Variants in OTUD7B observed in about 807,000 individuals in gnomAD.
OTUD7B encodes the protein OTU domain-containing protein 7B.
OTUD7B carries 34 observed loss-of-function variants against 82.2 expected under a neutral mutation model. The observed-to-expected ratio is 0.41, with a 90% CI of 0.31 to 0.55. The LOEUF is 0.55. OTUD7B is among the 20% of genes least tolerant of loss of function. The probability of loss-of-function intolerance (pLI) is 0.20; values close to 1 mark genes in which losing one functional copy is unlikely to be tolerated. For synonymous variants in OTUD7B, 398 were observed against 402.7 expected, an observed-to-expected ratio of 0.99 and a Z score of 0.14; for missense variants, 944 against 1,062.1, an observed-to-expected ratio of 0.89 and a Z score of 1.55.
At chr1:150,057,944 AAAGC>A in the OTUD7B span, among the ~76,000 whole-genome samples, 1 of 152,240 alleles carries the variant, frequency 6.6e-6, no homozygotes, top group Admixed American at 6.5e-5. Flanking sequence ...AACCAAGCCT[AAAGC>A]AGAAAAGTAT....
chr1:149,994,364 C>G (rs782812958), intron 1 of OTUD7B, among the ~76,000 whole-genome samples: 1 of 151,920 alleles, frequency 6.6e-6, no homozygotes, highest in Non-Finnish European at 1.5e-5. Context: ...GGGCGGATCA[C>G]GAGGTCAAGA....
chr1:149,964,190 G>A (rs1553776019), intron 6 of OTUD7B, 32 bp downstream of exon 6: 1 of 1,605,510 alleles, frequency 6.2e-7, no homozygotes, highest in Non-Finnish European at 8.5e-7. Context: ...GTAACTTTAG[G>A]AAACAAGGCG....
At chr1:150,013,973 C>CAT (rs1260260377), upstream of OTUD7B, among the ~76,000 whole-genome samples, 68 of 128,304 alleles carry the variant, frequency 5.3e-4, no homozygotes, top group African/African-American at 1.6e-3. Context: ...CACACACACA[C>CAT]ATATATATAC....
chr1:149,985,502 C>A (rs1482533464), intron 1 of OTUD7B, among the ~76,000 whole-genome samples: 3 of 152,178 alleles, frequency 2.0e-5, no homozygotes, highest in Admixed American at 1.3e-4. Flanking sequence ...CTTTGGGAGA[C>A]CACGGAGGAA....
chr1:150,009,422 T>C (rs782358366), intron 1 of OTUD7B, among the ~76,000 whole-genome samples: 27 of 152,274 alleles, frequency 1.8e-4, no homozygotes, highest in Admixed American at 5.9e-4. Context: ...CTCCTAAATA[T>C]ACAGTACTAG....
At chr1:150,053,538 A>G in the OTUD7B span, among the ~76,000 whole-genome samples, 1 of 151,992 alleles carries the variant, frequency 6.6e-6, no homozygotes, top group Non-Finnish European at 1.5e-5. Context: ...CCGAGATTAC[A>G]GGCATGTGCC....
the OTUD7B span, among the ~76,000 whole-genome samples, chr1:150,027,864 T>C: frequency 1.3e-5 from 2 of 152,158 alleles, no homozygotes; most frequent in South Asian, 2.1e-4. Flanking sequence ...AACTGACTAA[T>C]TTGGTGAGTT....
At position 149,965,784 on chromosome 1, in the gene OTUD7B, G is replaced by T. The variant is rs782417962; in HGVS notation, c.597C>A (p.Ala199=). ...ACTGCTTTCAAGACTCACCAAGGGAGGCTGCATGCAGGAGGCAGTTCCCAT... is the reference window on the plus strand; with the variant it reads ...ACTGCTTTCAAGACTCACCAAGGGATGCTGCATGCAGGAGGCAGTTCCCAT... ...TGDGNCLLHA[A]SLGMWGFHDR... The change falls in exon 5 of 12, where the codon GCC becomes GCA. Residue 199 remains alanine, a synonymous_variant. Coordinates refer to ENST00000581312, the MANE Select transcript of OTUD7B (RefSeq NM_020205.4). The T allele has an allele frequency of 1.5e-5, 24 of 1,612,124 alleles. No homozygotes were observed. In the Admixed American group the frequency reaches 3.5e-4, roughly 24 times the overall value.
chr1:150,049,164 C>G, the OTUD7B span, among the ~76,000 whole-genome samples: 2 of 152,172 alleles, frequency 1.3e-5, no homozygotes, highest in African/African-American at 4.8e-5. Context: ...AAACTTAAAT[C>G]AGTTCTGAAG....
chr1:150,062,661 T>C, the OTUD7B span, among the ~76,000 whole-genome samples: 2 of 151,610 alleles, frequency 1.3e-5, no homozygotes, highest in African/African-American at 2.4e-5. Flanking sequence ...GATTAAAAAG[T>C]GAAGGGGGAA....
chr1:149,943,738 G>T lies in OTUD7B; in HGVS notation c.*119C>A. On this transcript the variant is annotated 3_prime_UTR_variant, in exon 12 of 12. Transcript: ENST00000581312. ...GTGTGCACACACTTAAAAGTTTCCA[G>T]CCAGGCTCCCACAAACATTACTGCA... 2 of 1,147,718 alleles carry T rather than the reference G, an allele frequency of 1.7e-6. No homozygotes were observed. Among genetic ancestry groups the T allele is most frequent in the Non-Finnish European group, 2.5e-6 (2 of 788,294 alleles). 71.1% of individuals were successfully genotyped at this position (1,147,718 alleles called of 1,614,324 possible). A position where few individuals can be genotyped will look rare whatever the true frequency, so the allele number is the denominator to read the frequency against.
intron 7 of OTUD7B, among the ~76,000 whole-genome samples, chr1:149,953,989 C>A (rs1648469618): frequency 6.6e-6 from 1 of 152,174 alleles, no homozygotes; most frequent in Non-Finnish European, 1.5e-5. Context: ...ATGTCACCTG[C>A]AAACAGGGAC....
At chr1:149,985,394 G>A (rs1291624891) in intron 1 of OTUD7B, among the ~76,000 whole-genome samples, 4 of 151,946 alleles carry the variant, frequency 2.6e-5, no homozygotes, top group African/African-American at 7.3e-5. Flanking sequence ...GCGACAGAGC[G>A]AGACCCCATC....
At chr1:150,038,584 G>A in the OTUD7B span, among the ~76,000 whole-genome samples, 16,127 of 151,382 alleles carry the variant, frequency 0.11, 1,205 homozygotes, top group Non-Finnish European at 0.17. Context: ...ACGGGATTTC[G>A]TCATGTTGCC....
At chr1:150,005,468 A>T (rs1007221153) in intron 1 of OTUD7B, among the ~76,000 whole-genome samples, 1 of 152,210 alleles carries the variant, frequency 6.6e-6, no homozygotes, top group Non-Finnish European at 1.5e-5. Context: ...CTAGCTCAGA[A>T]ATACTACAAT....
chr1:150,051,178 G>A, the OTUD7B span, among the ~76,000 whole-genome samples: 3 of 143,068 alleles, frequency 2.1e-5, no homozygotes, highest in Non-Finnish European at 4.5e-5. Context: ...GCAGTGAACC[G>A]AGATTGCGCC....
intron 1 of OTUD7B, among the ~76,000 whole-genome samples, chr1:149,986,976 T>C (rs1385661877): frequency 6.6e-6 from 1 of 152,196 alleles, no homozygotes; most frequent in African/African-American, 2.4e-5. Context: ...TCTAAAGGGA[T>C]CTATATAACA....
upstream of OTUD7B, among the ~76,000 whole-genome samples, chr1:150,015,282 T>TC (rs1653231410): frequency 2.1e-5 from 2 of 95,446 alleles, no homozygotes; most frequent in African/African-American, 8.4e-5. Context: ...ATTTCTTTTT[T>TC]TCTTTCTCTT....
chr1:150,057,687 T>A, the OTUD7B span, among the ~76,000 whole-genome samples: 1 of 152,350 alleles, frequency 6.6e-6, no homozygotes, highest in Non-Finnish European at 1.5e-5. Context: ...TTTTTAATCA[T>A]GAAATAAAAT....
Sources: gnomAD v4.1 joint callset for allele counts (sites outside exome capture counted in the v4.1 genomes callset) on GRCh38, gnomAD v4.1.1 for gene constraint, MANE v1.5 for transcripts, NCBI Gene and HGNC (gene_info 2026-07-23, HGNC 2026-07-21) for gene names.